The following FAM217A variants were observed in gnomAD, a reference collection of about 807,000 sequenced individuals.
The protein encoded by FAM217A is family with sequence similarity 217 member A, also known as protein FAM217A.
A neutral mutation model predicts 18.5 loss-of-function variants in FAM217A; 13 were observed. The observed-to-expected ratio is 0.70, with a 90% CI of 0.46 to 1.12. The LOEUF is 1.12. Among genes scored for constraint, FAM217A ranks in the 50% most tolerant of loss-of-function variants. The pLI is 0.00. For synonymous variants in FAM217A, 161 were observed against 202.8 expected (o/e 0.79, Z 1.75); for missense variants, 560 against 575.4 (o/e 0.97, Z 0.27).
At chr6:4,086,769 C>A (rs1294439197) in intron 1 of FAM217A, among the ~76,000 whole-genome samples, 1 of 152,266 alleles carries the variant, frequency 6.6e-6, no homozygotes, top group Non-Finnish European at 1.5e-5. Flanking sequence ...GTAACAAACT[C>A]TATTATTTGC....
chr6:4,078,071 T>TTTTG (rs1769965770), intron 1 of FAM217A, among the ~76,000 whole-genome samples: 1 of 138,886 alleles, frequency 7.2e-6, no homozygotes, highest in African/African-American at 2.9e-5. Flanking sequence ...TTTTTTTTTT[T>TTTTG]GAGACAGAGT....
intron 6 of FAM217A, 117 bp from the exon 7 acceptor site, chr6:4,070,037 T>C: frequency 1.4e-6 from 1 of 694,122 alleles, no homozygotes; most frequent in Non-Finnish European, 2.3e-6. Flanking sequence ...CCCAATGGCA[T>C]ATGTGTATCT....
intron 1 of FAM217A, among the ~76,000 whole-genome samples, chr6:4,085,311 A>AAATATATATAT (rs377046907): frequency 1.8e-4 from 26 of 146,438 alleles, no homozygotes; most frequent in African/African-American, 5.0e-4. Flanking sequence ...TGTAAAAAAA[A>AAATATATATAT]ATATATATAT....
At chr6:4,079,920 A>G (rs2745455), upstream of FAM217A, among the ~76,000 whole-genome samples, 38,878 of 151,816 alleles carry the variant, frequency 0.26, 5,812 homozygotes, top group African/African-American at 0.41. Context: ...CCCGAAATGC[A>G]TATCTCCTAT....
intron 6 of FAM217A, among the ~76,000 whole-genome samples, chr6:4,072,762 CA>C (rs11307567): frequency 0.88 from 127,714 of 145,422 alleles, 56,178 homozygotes; most frequent in East Asian, 1. Context: ...AACTCCGTCT[CA>C]AAAAAAAAAA....
At position 4,073,428 on chromosome 6, in the gene FAM217A, C is replaced by T; in HGVS notation, c.234+5G>A. On this transcript the variant is annotated splice_donor_5th_base_variant and intron_variant, in intron 5 of 6. Coordinates refer to ENST00000274673, the MANE Select transcript of FAM217A (RefSeq NM_173563.3). ...ATTTTAAGGGTATGAAGAATAAAAT[C>T]CCACCTGTGTACTTTTTTGACTATG... 1 of 1,610,976 alleles carries T rather than the reference C, an allele frequency of 6.2e-7. No homozygotes were observed. The highest frequency in any genetic ancestry group is 1.1e-5 in the South Asian group (1 of 90,394).
chr6:4,072,652 C>T (rs1488435235), intron 6 of FAM217A, among the ~76,000 whole-genome samples: 1 of 151,906 alleles, frequency 6.6e-6, no homozygotes, highest in East Asian at 1.9e-4. Flanking sequence ...AACCCAGTTA[C>T]TCCAGAGGCT....
intron 4 of FAM217A, 150 bp downstream of exon 4, chr6:4,074,293 C>A: frequency 1.8e-6 from 1 of 565,536 alleles, no homozygotes; most frequent in Non-Finnish European, 3.0e-6. Context: ...CAACTTGAAA[C>A]TCTAAAATAT....
chr6:4,072,056 T>C (rs1054905116), intron 6 of FAM217A, among the ~76,000 whole-genome samples: 1 of 152,074 alleles, frequency 6.6e-6, no homozygotes, highest in African/African-American at 2.4e-5. Flanking sequence ...GAATTAACAT[T>C]CAGGGGCCGG....
At chr6:4,073,630 A>G (rs1769566863) in intron 4 of FAM217A, 123 bp from the exon 5 acceptor site, 1 of 682,670 alleles carries the variant, frequency 1.5e-6, no homozygotes, top group Non-Finnish European at 2.3e-6. Flanking sequence ...CTTTGTTTAT[A>G]TACAAAGAAA....
chr6:4,073,100 C>T (rs79217720), intron 6 of FAM217A, among the ~76,000 whole-genome samples, 175 bp downstream of exon 6: 1,796 of 152,280 alleles, frequency 0.012, 40 homozygotes, highest in African/African-American at 0.042. Context: ...CTAATTGTCT[C>T]GTGGTATCTG....
rs1357912316 is a variant in FAM217A at position 4,068,808 on chromosome 6, A to G, written c.1415T>C (p.Leu472Pro). The G allele has an allele frequency of 2.5e-6, 4 of 1,614,012 alleles. No individual in the cohort carries two copies. Among genetic ancestry groups the G allele is most frequent in the Non-Finnish European group, 2.5e-6 (3 of 1,180,008 alleles). ...ATTCAACACTATATTTTGTCGGTAA[A>G]GTTTCTTTTTGGTCCCAAAGTTTCT... ...PKRNFGTKKK[L>P]YRQNIVLNRP... Residue 472 changes from leucine (L) to proline (P), a missense_variant, in exon 7 of 7, where the codon CTT becomes CCT. By Grantham distance (98) the Leu-to-Pro change is moderately conservative. Transcript: ENST00000274673.
chr6:4,077,219 C>T, intron 2 of FAM217A, 136 bp downstream of exon 2: 1 of 766,312 alleles, frequency 1.3e-6, no homozygotes, highest in Non-Finnish European at 2.1e-6. Context: ...CCAAATGTGC[C>T]AAAAGGAAAA....
At chr6:4,079,485 T>TCGGCCTTCCTGGGCCTCCTC (rs891649339), upstream of FAM217A, 1 of 504,912 alleles carries the variant, frequency 2.0e-6, no homozygotes, top group African/African-American at 2.1e-5. Context: ...TGGACCTTCT[T>TCGGCCTTCCTGGGCCTCCTC]CGGCCTTCCT....
upstream of FAM217A, chr6:4,079,626 C>G (rs968564589): frequency 8.5e-6 from 11 of 1,288,562 alleles, no homozygotes; most frequent in South Asian, 1.1e-4. Flanking sequence ...CCGGCCCACC[C>G]GCCTCCACCC....
chr6:4,078,773 C>T (rs1384024268), intron 1 of FAM217A, 79 bp downstream of exon 1: 20 of 419,208 alleles, frequency 4.8e-5, no homozygotes, highest in Non-Finnish European at 7.7e-5. Flanking sequence ...GAGCTGTGGC[C>T]GGACTGGGTG....
chr6:4,083,574 C>CA (rs1374865517), upstream of FAM217A, among the ~76,000 whole-genome samples: 2 of 148,384 alleles, frequency 1.3e-5, no homozygotes, highest in African/African-American at 5.0e-5. Context: ...TTTTTTGAGA[C>CA]AGAGTCCCAC....
chr6:4,072,528 C>T (rs1393346481), intron 6 of FAM217A, among the ~76,000 whole-genome samples: 3 of 151,136 alleles, frequency 2.0e-5, no homozygotes, highest in South Asian at 4.2e-4. Context: ...TTTGGGAGGC[C>T]GAGGTGGGTG....
intron 1 of FAM217A, among the ~76,000 whole-genome samples, chr6:4,085,793 T>C (rs1359354693): frequency 3.3e-5 from 5 of 152,276 alleles, no homozygotes; most frequent in African/African-American, 4.8e-5. Flanking sequence ...GTTTTACTTT[T>C]TGAGTTTGCA....
Sources: gnomAD v4.1 joint callset for allele counts (sites outside exome capture counted in the v4.1 genomes callset) on GRCh38, gnomAD v4.1.1 for gene constraint, MANE v1.5 for transcripts, NCBI Gene and HGNC (gene_info 2026-07-23, HGNC 2026-07-21) for gene names.